The following EPB41 variants were observed in gnomAD, a reference collection of about 807,000 sequenced individuals.
EPB41 encodes erythrocyte membrane protein band 4.1, also known as protein 4.1.
Under a neutral mutation model 108.0 loss-of-function variants are expected in EPB41, and 65 were observed. That is an observed-to-expected ratio of 0.60 (90% CI 0.49 to 0.74). EPB41 has a LOEUF of 0.74. Ranked by LOEUF, EPB41 falls within the 30% of genes least tolerant of loss-of-function variation. The pLI, the probability that EPB41 is intolerant of heterozygous loss-of-function variation, is 0.00. For missense variants in EPB41, 875 were observed against 1,037.0 expected (o/e 0.84, Z 2.15); for synonymous variants, 336 against 358.9 (o/e 0.94, Z 0.72).
chr1:28,976,825 A>G (rs7517620), intron 1 of EPB41, among the ~76,000 whole-genome samples: 1 of 151,986 alleles, frequency 6.6e-6, no homozygotes, highest in African/African-American at 2.4e-5. Flanking sequence ...GTCTCTTTCT[A>G]TTGACATCTA....
rs1257345522 is a variant in EPB41, at chr1:28,940,069, G to A, written c.-8+25301G>A. Among the ~76,000 whole-genome samples, 6 of 152,126 alleles carry A rather than the reference G, an allele frequency of 3.9e-5. No homozygotes were observed. The East Asian group carries it at 7.7e-4, about 20-fold the overall frequency. On this transcript the variant is annotated intron_variant, in intron 1 of 20. Coordinates refer to ENST00000343067, the MANE Select transcript of EPB41 (RefSeq NM_001376013.1). ...GGATGCTTCAGTCATCTGGGGGCTG[G>A]CTTGAGAAGGCTGGTCCTCATTCAT...
intron 1 of EPB41, chr1:28,891,141 G>A (rs556911106): frequency 1.9e-4 from 44 of 227,992 alleles, no homozygotes; most frequent in African/African-American, 7.2e-4. Context: ...GCAACCTTGG[G>A]TATGTGGCCA....
intron 10 of EPB41, among the ~76,000 whole-genome samples, chr1:29,036,683 T>TC (rs1441486443): frequency 6.6e-6 from 1 of 151,228 alleles, no homozygotes; most frequent in East Asian, 1.9e-4. Context: ...CTGATTTTTT[T>TC]TTTTTTTTTT....
chr1:29,016,419 C>T (rs1463523199), intron 6 of EPB41, among the ~76,000 whole-genome samples: 1 of 150,234 alleles, frequency 6.7e-6, no homozygotes, highest in African/African-American at 2.5e-5. Flanking sequence ...GAACTCCTAA[C>T]CTCAGGTGAT....
At chr1:28,934,705 T>TGTGTGTGTGTGTGTGTGTG (rs71030309) in intron 1 of EPB41, among the ~76,000 whole-genome samples, 1 of 151,632 alleles carries the variant, frequency 6.6e-6, no homozygotes, top group African/African-American at 2.4e-5. Flanking sequence ...TGTGTGTGTG[T>TGTGTGTGTGTGTGTGTGTG]ATTTTAATAC....
At chr1:28,965,909 GT>G (rs1362682488) in intron 1 of EPB41, among the ~76,000 whole-genome samples, 16 of 152,120 alleles carry the variant, frequency 1.1e-4, no homozygotes, top group African/African-American at 3.9e-4. Flanking sequence ...TAAGCCGGGC[GT>G]GGTGGCTCAT....
chr1:28,962,122 G>T (rs1433229044), intron 1 of EPB41, among the ~76,000 whole-genome samples: 2 of 151,530 alleles, frequency 1.3e-5, no homozygotes, highest in Admixed American at 1.3e-4. Flanking sequence ...GTGCAGTGGC[G>T]CTATCTTGGC....
At chr1:28,902,676 C>T (rs949726659) in intron 1 of EPB41, among the ~76,000 whole-genome samples, 7 of 152,274 alleles carry the variant, frequency 4.6e-5, no homozygotes, top group African/African-American at 1.2e-4. Context: ...GTTCGTCACA[C>T]CTTCAGGGGA....
chr1:29,008,452 G>T (rs144542579), intron 4 of EPB41, among the ~76,000 whole-genome samples: 190 of 152,212 alleles, frequency 1.2e-3, no homozygotes, highest in African/African-American at 4.3e-3. Flanking sequence ...GAAAATTGAG[G>T]CTCAGAAACA....
At chr1:28,925,679 G>C (rs1438136571) in intron 1 of EPB41, among the ~76,000 whole-genome samples, 1 of 152,160 alleles carries the variant, frequency 6.6e-6, no homozygotes, top group Non-Finnish European at 1.5e-5. Context: ...AGCGGGTTTG[G>C]TGTGTATGAG....
intron 10 of EPB41, among the ~76,000 whole-genome samples, chr1:29,038,755 C>T (rs1258291141): frequency 6.6e-6 from 1 of 152,066 alleles, no homozygotes; most frequent in African/African-American, 2.4e-5. Context: ...ATGGGGTTCC[C>T]AACTGAGTTT....
At chr1:28,960,912 T>C (rs2095185334) in intron 1 of EPB41, among the ~76,000 whole-genome samples, 1 of 151,246 alleles carries the variant, frequency 6.6e-6, no homozygotes, top group Admixed American at 6.6e-5. Flanking sequence ...CAGACACCTG[T>C]ACTCCCAGCT....
In EPB41 at chr1:29,018,498, A is replaced by T. The variant is rs201817969; in HGVS notation, c.1124+56A>T. ...TTGTTTTGGCGATTAGTTTAAACAC[A>T]ACATGGTATTGGTTCATTGTTTGCC... On this transcript the variant is annotated intron_variant, in intron 7 of 20. Transcript: ENST00000343067. The surrounding 1 kb of genome is among the most constrained non-coding windows in gnomAD (Gnocchi z 4.4). 1 of 1,312,644 alleles carries T rather than the reference A, an allele frequency of 7.6e-7. No individual in the cohort carries two copies. The highest frequency in any genetic ancestry group is 2.2e-5 in the Admixed American group (1 of 44,570). 81.3% of individuals were successfully genotyped at this position (1,312,644 alleles called of 1,614,324 possible). A position where few individuals can be genotyped will look rare whatever the true frequency, so the allele number is the denominator to read the frequency against.
intron 1 of EPB41, among the ~76,000 whole-genome samples, chr1:28,946,550 T>C (rs1270589523): frequency 6.6e-6 from 1 of 152,252 alleles, no homozygotes; most frequent in African/African-American, 2.4e-5. Flanking sequence ...GATTCCACTT[T>C]TTATTTTGGT....
intron 9 of EPB41, among the ~76,000 whole-genome samples, chr1:29,034,616 A>G (rs896678637): frequency 2.0e-5 from 3 of 152,208 alleles, no homozygotes; most frequent in African/African-American, 7.2e-5. Flanking sequence ...CTTATAAAAT[A>G]TGCTTAAAGT....
rs1203368314 is a variant in EPB41, at chr1:28,979,974, CA to C, written c.-7-7455del. Among the ~76,000 whole-genome samples the C allele has an allele frequency of 1.2e-4, 19 of 152,338 alleles. No individual in the cohort carries two copies. In the East Asian group the frequency reaches 3.5e-3, roughly 28 times the overall value. ...TGTTATGAATAAACTTTGTTCCATTCAACCCCAATGCATTTGGCAGAAAATT... is the reference window on the plus strand; with the variant it reads ...TGTTATGAATAAACTTTGTTCCATTCACCCCAATGCATTTGGCAGAAAATT... On this transcript the variant is annotated intron_variant, in intron 1 of 20. Coordinates refer to ENST00000343067, the MANE Select transcript of EPB41 (RefSeq NM_001376013.1).
At chr1:28,898,372 G>A (rs1465918039) in intron 1 of EPB41, among the ~76,000 whole-genome samples, 3 of 151,996 alleles carry the variant, frequency 2.0e-5, no homozygotes. Context: ...TAACCTGGCT[G>A]CCCTGCCAGC....
chr1:28,918,910 G>C, intron 1 of EPB41, among the ~76,000 whole-genome samples: 1 of 152,202 alleles, frequency 6.6e-6, no homozygotes, highest in Admixed American at 6.5e-5. Context: ...TCCTTTTTAA[G>C]AGTGGGTTCA....
rs548394627 is a variant in EPB41, at chr1:29,107,607, C to A, written c.2314-1729C>A. 2.6e-5 allele frequency among the ~76,000 whole-genome samples: 4 copies of A among 152,010 alleles called. No individual in the cohort carries two copies. In the South Asian group the frequency reaches 8.3e-4, roughly 32 times the overall value. The stretch of plus-strand genomic sequence containing the variant: ...GGCTCAAAGAGCTGTAATCTCAGCT[C>A]TTTGGGAGGTGGAGGTGGGCGGTTC... On this transcript the variant is annotated intron_variant, in intron 17 of 20. Coordinates refer to ENST00000343067, the MANE Select transcript of EPB41 (RefSeq NM_001376013.1).
Sources: allele counts gnomAD v4.1 joint callset (sites outside exome capture counted in the v4.1 genomes callset), GRCh38; gene constraint gnomAD v4.1.1; non-coding constraint Gnocchi (gnomAD v3.1); transcripts MANE v1.5; gene names NCBI Gene and HGNC (gene_info 2026-07-23, HGNC 2026-07-21).